The following SMYD3 variants were observed in gnomAD, a reference collection of about 807,000 sequenced individuals.
SMYD3 encodes histone-lysine N-methyltransferase SMYD3.
SMYD3 carries 36 observed loss-of-function variants against 57.7 expected under a neutral mutation model. That is an observed-to-expected ratio of 0.62 (90% CI 0.48 to 0.82). SMYD3 has a LOEUF of 0.82. Ranked by LOEUF, SMYD3 falls within the 40% of genes least tolerant of loss-of-function variation. The pLI, the probability that SMYD3 is intolerant of heterozygous loss-of-function variation, is 0.00. For missense variants in SMYD3, 515 were observed against 538.8 expected (o/e 0.96, Z 0.44); for synonymous variants, 211 against 195.0 (o/e 1.08, Z -0.68).
At chr1:245,907,074 C>T (rs9725614) in intron 8 of SMYD3, among the ~76,000 whole-genome samples, 1 of 152,056 alleles carries the variant, frequency 6.6e-6, no homozygotes, top group African/African-American at 2.4e-5. Flanking sequence ...GCAAATCGTA[C>T]GTGGTTTACA....
intron 5 of SMYD3, among the ~76,000 whole-genome samples, chr1:246,201,292 G>C (rs991392320): frequency 6.6e-6 from 1 of 152,124 alleles, no homozygotes; most frequent in East Asian, 1.9e-4. Context: ...ATCCCTAATG[G>C]CAGTCAACCT....
intron 1 of SMYD3, among the ~76,000 whole-genome samples, chr1:246,423,565 G>A (rs1376272057): frequency 1.3e-5 from 2 of 152,044 alleles, no homozygotes; most frequent in African/African-American, 4.8e-5. Flanking sequence ...GTCAGATGTG[G>A]AGACGCACAC....
chr1:245,825,546 G>A (rs1207340077), intron 10 of SMYD3, among the ~76,000 whole-genome samples: 1 of 152,168 alleles, frequency 6.6e-6, no homozygotes, highest in African/African-American at 2.4e-5. Context: ...GGCTCACTAG[G>A]CGGGCCGAGG....
intron 1 of SMYD3, among the ~76,000 whole-genome samples, chr1:246,387,555 G>C (rs920282388): frequency 7.9e-5 from 12 of 152,180 alleles, no homozygotes; most frequent in Non-Finnish European, 1.3e-4. Context: ...GGAGTTTACA[G>C]TCTAGCATAA....
At chr1:246,329,666 C>G (rs1412579782) in intron 4 of SMYD3, among the ~76,000 whole-genome samples, 1 of 152,108 alleles carries the variant, frequency 6.6e-6, no homozygotes, top group African/African-American at 2.4e-5. Flanking sequence ...ATGGTAGTTT[C>G]TTTTGCTGTG....
intron 5 of SMYD3, among the ~76,000 whole-genome samples, chr1:246,154,235 C>G (rs1372146966): frequency 6.6e-6 from 1 of 152,230 alleles, no homozygotes; most frequent in Non-Finnish European, 1.5e-5. Flanking sequence ...CGCTCTGCTT[C>G]TATCGCTACT....
Position 246,159,119 on chromosome 1 carries a change from C to T in SMYD3, c.531+168082G>A, listed in dbSNP as rs543469025. Among the ~76,000 whole-genome samples, 286 of 152,184 alleles carry T rather than the reference C, an allele frequency of 1.9e-3. 3 individuals are homozygous for T. The highest frequency in any genetic ancestry group is 6.0e-3 in the African/African-American group (251 of 41,518). On this transcript the variant is annotated intron_variant, in intron 5 of 11. Coordinates refer to ENST00000490107, the MANE Select transcript of SMYD3 (RefSeq NM_001167740.2). ...AATGGAGTCCTGAAGAATGAGAGCG[C>T]CAACCATTAAAAAAGGTTTTTCTAA...
chr1:245,904,682 C>T (rs1252794725), intron 8 of SMYD3, among the ~76,000 whole-genome samples: 2 of 152,078 alleles, frequency 1.3e-5, no homozygotes, highest in South Asian at 2.1e-4. Flanking sequence ...GACTGCAACT[C>T]GTAGGCAAGT....
At chr1:245,999,545 T>C (rs2058998065) in intron 5 of SMYD3, among the ~76,000 whole-genome samples, 1 of 152,108 alleles carries the variant, frequency 6.6e-6, no homozygotes, top group Non-Finnish European at 1.5e-5. Flanking sequence ...AATCTATGTT[T>C]TTAAACAACT....
At chr1:245,761,392 T>C (rs1158883408) in intron 11 of SMYD3, among the ~76,000 whole-genome samples, 1 of 152,142 alleles carries the variant, frequency 6.6e-6, no homozygotes, top group African/African-American at 2.4e-5. Flanking sequence ...AAGAGGGTCA[T>C]CTGAAGGGCT....
intron 5 of SMYD3, among the ~76,000 whole-genome samples, chr1:245,950,465 C>T (rs2057588848): frequency 6.6e-6 from 1 of 152,140 alleles, no homozygotes; most frequent in African/African-American, 2.4e-5. Context: ...TTGGTGTCAC[C>T]ACAGCCACAC....
At chr1:246,046,476 G>A (rs1558180063) in intron 5 of SMYD3, among the ~76,000 whole-genome samples, 1 of 151,958 alleles carries the variant, frequency 6.6e-6, no homozygotes, top group Non-Finnish European at 1.5e-5. Flanking sequence ...GGCCTGTCAT[G>A]GGGCGGTGGG....
At chr1:245,801,869 G>A (rs1291939076) in intron 10 of SMYD3, among the ~76,000 whole-genome samples, 4 of 150,068 alleles carry the variant, frequency 2.7e-5, no homozygotes, top group Admixed American at 1.3e-4. Flanking sequence ...CAAAAACAAC[G>A]ACACATGAAT....
chr1:246,025,137 AG>A (rs1265152985), intron 5 of SMYD3, among the ~76,000 whole-genome samples: 6 of 150,804 alleles, frequency 4.0e-5, no homozygotes, highest in Non-Finnish European at 5.9e-5. Context: ...GCATCTAGGA[AG>A]GGAGATACAG....
At chr1:245,960,054 C>T (rs2057959932) in intron 5 of SMYD3, among the ~76,000 whole-genome samples, 1 of 152,168 alleles carries the variant, frequency 6.6e-6, no homozygotes, top group African/African-American at 2.4e-5. Context: ...GCTGGGATTA[C>T]AGGTGTGAGC....
intron 10 of SMYD3, among the ~76,000 whole-genome samples, chr1:245,825,805 T>C (rs1236052398): frequency 1.3e-5 from 2 of 151,526 alleles, no homozygotes; most frequent in African/African-American, 4.8e-5. Context: ...TAATTATTCC[T>C]ATTTTACATC....
intron 5 of SMYD3, among the ~76,000 whole-genome samples, chr1:245,949,034 A>G (rs1313840935): frequency 2.0e-5 from 3 of 152,196 alleles, no homozygotes; most frequent in East Asian, 1.9e-4. Flanking sequence ...GCATGTGCCA[A>G]CTGCAGGCCT....
At chr1:245,793,111 C>T (rs1417562313) in intron 10 of SMYD3, among the ~76,000 whole-genome samples, 92 of 147,266 alleles carry the variant, frequency 6.2e-4, no homozygotes, top group African/African-American at 2.2e-3. Flanking sequence ...AGATCAAGAC[C>T]ATCCTGGCTA....
intron 5 of SMYD3, among the ~76,000 whole-genome samples, chr1:246,003,097 G>GATATGATGGA (rs2059107773): frequency 6.6e-6 from 1 of 152,232 alleles, no homozygotes; most frequent in Non-Finnish European, 1.5e-5. Flanking sequence ...GCAGGGAAGA[G>GATATGATGGA]ATATGATGGA....
Sources: allele counts gnomAD v4.1 joint callset (sites outside exome capture counted in the v4.1 genomes callset), GRCh38; gene constraint gnomAD v4.1.1; transcripts MANE v1.5; gene names NCBI Gene and HGNC (gene_info 2026-07-23, HGNC 2026-07-21).